The following CYTH3 variants were observed in gnomAD, a reference collection of about 807,000 sequenced individuals.
The protein encoded by CYTH3 is cytohesin-3.
A neutral mutation model predicts 55.1 loss-of-function variants in CYTH3; 23 were observed. The observed-to-expected ratio is 0.42, with a 90% CI of 0.30 to 0.59. The LOEUF (loss-of-function observed/expected upper bound fraction) is 0.59, where lower values mean the gene tolerates loss of function less well. Ranked by LOEUF, CYTH3 falls within the 20% of genes least tolerant of loss-of-function variation. The pLI, the probability that CYTH3 is intolerant of heterozygous loss-of-function variation, is 0.20. For synonymous variants in CYTH3, 249 were observed against 194.9 expected (o/e 1.28, Z -2.31); for missense variants, 413 against 524.8 (o/e 0.79, Z 2.08).
intron 1 of CYTH3, among the ~76,000 whole-genome samples, chr7:6,245,966 A>G (rs529003361): frequency 2.6e-4 from 40 of 152,292 alleles, no homozygotes; most frequent in African/African-American, 9.6e-4. Flanking sequence ...AAACAAATAC[A>G]TTTCACAAAA....
At chr7:6,203,569 A>G (rs1784110522) in intron 1 of CYTH3, among the ~76,000 whole-genome samples, 1 of 152,224 alleles carries the variant, frequency 6.6e-6, no homozygotes, top group South Asian at 2.1e-4. Context: ...AGCACTCTTT[A>G]AGAACTGCTG....
intron 2 of CYTH3, among the ~76,000 whole-genome samples, chr7:6,189,288 G>A (rs1271260818): frequency 6.6e-6 from 1 of 152,020 alleles, no homozygotes; most frequent in African/African-American, 2.4e-5. Flanking sequence ...CCATGTTTGT[G>A]TGCCTGTGTT....
In CYTH3 at chr7:6,193,092, A is replaced by G. The variant is rs149027808; in HGVS notation, c.35-2561T>C. Among the ~76,000 whole-genome samples the G allele has an allele frequency of 4.4e-3, 668 of 152,226 alleles. 3 individuals carry two copies. The highest frequency in any genetic ancestry group is 0.015 in the African/African-American group (632 of 41,572). On this transcript the variant is annotated intron_variant, in intron 1 of 12. Coordinates refer to ENST00000350796, the MANE Select transcript of CYTH3 (RefSeq NM_004227.4). ...GAGGCTGAGGCAGGAGAATCGCTTGAAACAGGAAAGCAAAGGTTGCAGTGA... is the reference window on the plus strand; with the variant it reads ...GAGGCTGAGGCAGGAGAATCGCTTGGAACAGGAAAGCAAAGGTTGCAGTGA...
chr7:6,242,434 T>C (rs1779699033), intron 1 of CYTH3, among the ~76,000 whole-genome samples: 1 of 144,950 alleles, frequency 6.9e-6, no homozygotes, highest in African/African-American at 2.6e-5. Context: ...TGGAGTGCAG[T>C]GGCACGATCT....
rs748945989 is a variant in CYTH3, at chr7:6,228,607, ACTT to A, written c.35-38079_35-38077del. Among the ~76,000 whole-genome samples, 8 of 152,254 alleles carry A rather than the reference ACTT, an allele frequency of 5.3e-5. No homozygotes were observed. The South Asian group carries it at 6.2e-4, about 12-fold the overall frequency. ...TAACACAAGTAGAGGAAGCAAAAGAACTTCTTATCTGCATCCAAACCATGCTCA... is the reference window on the plus strand; with the variant it reads ...TAACACAAGTAGAGGAAGCAAAAGAACTTATCTGCATCCAAACCATGCTCA... On this transcript the variant is annotated intron_variant, in intron 1 of 12. Transcript: ENST00000350796.
intron 1 of CYTH3, among the ~76,000 whole-genome samples, chr7:6,223,279 T>G (rs949101829): frequency 1.3e-5 from 2 of 151,130 alleles, no homozygotes; most frequent in Non-Finnish European, 3.0e-5. Context: ...GTCTGGGAAG[T>G]GAGGAGCGCC....
chr7:6,246,152 C>T (rs1032858756), intron 1 of CYTH3, among the ~76,000 whole-genome samples: 3 of 151,930 alleles, frequency 2.0e-5, no homozygotes, highest in African/African-American at 7.3e-5. Flanking sequence ...ATGATCACAG[C>T]TCACTGCGGC....
intron 2 of CYTH3, among the ~76,000 whole-genome samples, chr7:6,188,356 C>CAA (rs879833353): frequency 1.5e-5 from 2 of 137,574 alleles, no homozygotes; most frequent in African/African-American, 5.3e-5. Context: ...AACAAAAAAA[C>CAA]AAAAAAAAAA....
chr7:6,184,535 C>T (rs920641155), intron 4 of CYTH3, among the ~76,000 whole-genome samples: 10 of 152,154 alleles, frequency 6.6e-5, no homozygotes, highest in African/African-American at 1.2e-4. Flanking sequence ...GAAAAGTTTA[C>T]GCTCATGAAG....
chr7:6,204,253 A>G (rs554654195), intron 1 of CYTH3, among the ~76,000 whole-genome samples: 1 of 152,224 alleles, frequency 6.6e-6, no homozygotes, highest in Admixed American at 6.5e-5. Context: ...TATACATTCA[A>G]GCACATGTGA....
intron 4 of CYTH3, among the ~76,000 whole-genome samples, chr7:6,182,285 G>C (rs1323848309): frequency 1.3e-5 from 2 of 152,058 alleles, no homozygotes; most frequent in African/African-American, 4.8e-5. Context: ...TCTAACCTCA[G>C]GCAATCCACC....
chr7:6,201,445 C>T (rs62454279), intron 1 of CYTH3, among the ~76,000 whole-genome samples: 1 of 152,194 alleles, frequency 6.6e-6, no homozygotes, highest in Non-Finnish European at 1.5e-5. Context: ...GACACTGGTT[C>T]CTTACCCAGC....
At chr7:6,254,080 G>A (rs529796624) in intron 1 of CYTH3, among the ~76,000 whole-genome samples, 1 of 152,014 alleles carries the variant, frequency 6.6e-6, no homozygotes, top group East Asian at 1.9e-4. Context: ...TACTCAGGAG[G>A]GTGAGGCAGG....
At chr7:6,187,028 A>T (rs1304939434) in intron 4 of CYTH3, 22 bp downstream of exon 4, 1 of 1,611,882 alleles carries the variant, frequency 6.2e-7, no homozygotes, top group Admixed American at 1.7e-5. Flanking sequence ...TGCAGGCCAG[A>T]AAAGGGAGAG....
intron 6 of CYTH3, chr7:6,172,771 G>C: frequency 7.9e-7 from 1 of 1,264,072 alleles, no homozygotes; most frequent in Non-Finnish European, 1.0e-6. Context: ...TTCCAGAAAC[G>C]CAATCTGATA....
At chr7:6,227,609 A>G (rs988794444) in intron 1 of CYTH3, among the ~76,000 whole-genome samples, 3 of 152,194 alleles carry the variant, frequency 2.0e-5, no homozygotes, top group African/African-American at 7.2e-5. Flanking sequence ...ACTCTACACA[A>G]AAGGCTTTAG....
chr7:6,243,428 G>A (rs1779723923), intron 1 of CYTH3, among the ~76,000 whole-genome samples: 1 of 152,186 alleles, frequency 6.6e-6, no homozygotes, highest in South Asian at 2.1e-4. Context: ...GGATGGGGGT[G>A]GGGAAGCAAT....
At chr7:6,255,773 T>C (rs1053901384) in intron 1 of CYTH3, among the ~76,000 whole-genome samples, 2 of 145,930 alleles carry the variant, frequency 1.4e-5, no homozygotes, top group Non-Finnish European at 3.0e-5. Context: ...TTTTTTTTTT[T>C]TTTTTTTTGA....
chr7:6,228,343 G>A (rs974321539), intron 1 of CYTH3, among the ~76,000 whole-genome samples: 1 of 152,064 alleles, frequency 6.6e-6, no homozygotes, highest in African/African-American at 2.4e-5. Context: ...CATGTACATG[G>A]GACAGAACAA....
Sources: gnomAD v4.1 joint callset for allele counts (sites outside exome capture counted in the v4.1 genomes callset) on GRCh38, gnomAD v4.1.1 for gene constraint, MANE v1.5 for transcripts, NCBI Gene and HGNC (gene_info 2026-07-23, HGNC 2026-07-21) for gene names.